ARRB1: variants seen among roughly 807,000 people sequenced by gnomAD.
The protein encoded by ARRB1 is arrestin beta 1.
Under a neutral mutation model 56.8 loss-of-function variants are expected in ARRB1, and 21 were observed. The observed-to-expected ratio is 0.37, with a 90% confidence interval of 0.26 to 0.53. ARRB1 has a LOEUF of 0.53. Ranked by LOEUF, ARRB1 falls within the 20% of genes least tolerant of loss-of-function variation. The pLI, the probability that ARRB1 is intolerant of heterozygous loss-of-function variation, is 0.88. For synonymous variants in ARRB1, 210 were observed against 218.6 expected, an observed-to-expected ratio of 0.96 and a Z score of 0.35; for missense variants, 424 against 553.7, an observed-to-expected ratio of 0.77 and a Z score of 2.35.
chr11:75,278,696 C>T lies in ARRB1; in HGVS notation c.531G>A (p.Arg177=), dbSNP rs992873734. ...TCTCGGCTGTGGGCTGGGGGCCAGG[C>T]CTCTCTGGGGCATACTGAACCTTCC... ...VIRKVQYAPE[R]PGPQPTAETT... Residue 177 remains arginine, a synonymous_variant, in exon 8 of 16, where the codon AGG becomes AGA. Coordinates refer to ENST00000420843, the MANE Select transcript of ARRB1 (RefSeq NM_004041.5). 5.0e-6 allele frequency: 8 copies of T among 1,613,952 alleles called. No homozygotes were observed. Among genetic ancestry groups the T allele is most frequent in the Non-Finnish European group, 6.8e-6 (8 of 1,179,962 alleles).
chr11:75,333,828 G>A (rs1947557767), intron 1 of ARRB1, among the ~76,000 whole-genome samples: 1 of 152,174 alleles, frequency 6.6e-6, no homozygotes. Flanking sequence ...AGCACAGAAG[G>A]CAAGACATTG....
In ARRB1 at chr11:75,263,457, G is replaced by A. The variant is rs1310260637; in HGVS notation, c.*2706C>T. Among the ~76,000 whole-genome samples the A allele has an allele frequency of 2.6e-5, 4 of 152,266 alleles. No homozygotes were observed. The highest frequency in any genetic ancestry group is 4.1e-4 in the South Asian group (2 of 4,836). On this transcript the variant is annotated 3_prime_UTR_variant, in exon 16 of 16. Coordinates refer to ENST00000420843, the MANE Select transcript of ARRB1 (RefSeq NM_004041.5). ...CAACCTGTGTGTCACTCCCAAAGCT[G>A]TGCGTTCTAGTGTAGGTCTGAATCC...
intron 14 of ARRB1, among the ~76,000 whole-genome samples, 170 bp from the exon 15 acceptor site, chr11:75,267,873 A>G (rs1401634765): frequency 1.3e-5 from 2 of 152,092 alleles, no homozygotes. Context: ...AACACCCCAA[A>G]TCATCTGAAA....
At chr11:75,299,932 C>T (rs959533663) in intron 1 of ARRB1, among the ~76,000 whole-genome samples, 4 of 152,086 alleles carry the variant, frequency 2.6e-5, no homozygotes, top group African/African-American at 7.2e-5. Context: ...GTAGGACAGG[C>T]GCAGTGGCTG....
intron 5 of ARRB1, among the ~76,000 whole-genome samples, chr11:75,282,462 CTGAG>C (rs1946367955): frequency 6.6e-6 from 1 of 152,152 alleles, no homozygotes; most frequent in Admixed American, 6.5e-5. Context: ...GCAGAAATGT[CTGAG>C]CCACAGTGAT....
chr11:75,267,614 G>GCCCCCCCCCCGC, intron 15 of ARRB1, 38 bp downstream of exon 15: 1 of 1,325,144 alleles, frequency 7.5e-7, no homozygotes, highest in Non-Finnish European at 1.1e-6. Flanking sequence ...CCCACCCGCG[G>GCCCCCCCCCCGC]CCCACCCCCG....
rs7118079 is a variant in ARRB1, at chr11:75,261,111, G to C, written c.*5052C>G. 6.6e-6 allele frequency: 1 copy of C among 152,206 alleles called. No homozygotes were observed. The highest frequency in any genetic ancestry group is 1.5e-5 in the Non-Finnish European group (1 of 68,160). The allele number at this position is 152,206 out of a possible 1,614,324, so 9.4% of individuals were successfully genotyped here. On this transcript the variant is annotated 3_prime_UTR_variant, in exon 16 of 16. Coordinates refer to ENST00000420843, the MANE Select transcript of ARRB1 (RefSeq NM_004041.5). ...CACGACCCATCCCCACTGAGCACCA[G>C]GTCCCTGTCCAAATCAAACCTTGGC...
intron 1 of ARRB1, among the ~76,000 whole-genome samples, chr11:75,313,108 T>C (rs1413242383): frequency 6.6e-6 from 1 of 152,088 alleles, no homozygotes; most frequent in Non-Finnish European, 1.5e-5. Flanking sequence ...ATCCCAGCAC[T>C]TTGGGAGGCC....
chr11:75,294,394 T>A (rs1041283342), intron 1 of ARRB1, among the ~76,000 whole-genome samples: 1 of 151,566 alleles, frequency 6.6e-6, no homozygotes, highest in African/African-American at 2.4e-5. Context: ...CAGTCTCTAC[T>A]AAAAATACAA....
intron 1 of ARRB1, among the ~76,000 whole-genome samples, chr11:75,337,517 C>T (rs1468185948): frequency 1.3e-5 from 2 of 152,210 alleles, no homozygotes; most frequent in African/African-American, 4.8e-5. Context: ...GACTCACTCC[C>T]TAACCCAAGT....
intron 1 of ARRB1, among the ~76,000 whole-genome samples, chr11:75,332,027 T>G (rs879399985): frequency 4.6e-5 from 7 of 151,964 alleles, no homozygotes; most frequent in Non-Finnish European, 8.8e-5. Context: ...AGCTCCCCAC[T>G]GAGCACCTTT....
At chr11:75,321,214 T>A (rs1162129960) in intron 1 of ARRB1, among the ~76,000 whole-genome samples, 1 of 151,844 alleles carries the variant, frequency 6.6e-6, no homozygotes, top group Admixed American at 6.6e-5. Flanking sequence ...CCTCAGCACG[T>A]GGAAGAAAAT....
intron 1 of ARRB1, among the ~76,000 whole-genome samples, chr11:75,323,662 C>A (rs1024125068): frequency 2.0e-5 from 3 of 152,056 alleles, no homozygotes; most frequent in African/African-American, 7.2e-5. Flanking sequence ...GAGAGGAAAC[C>A]TTCTCTCCCC....
chr11:75,287,466 A>C, intron 2 of ARRB1, 91 bp from the exon 3 acceptor site: 1 of 1,333,878 alleles, frequency 7.5e-7, no homozygotes, highest in Non-Finnish European at 1.0e-6. Context: ...GCAGCCTCTG[A>C]AACTCCAGAC....
chr11:75,301,323 G>A (rs1946899980), intron 1 of ARRB1, among the ~76,000 whole-genome samples: 1 of 152,206 alleles, frequency 6.6e-6, no homozygotes, highest in Non-Finnish European at 1.5e-5. Context: ...GTGCCTGGGA[G>A]GAGCCCCAGG....
chr11:75,334,849 C>T (rs1249092915), intron 1 of ARRB1, among the ~76,000 whole-genome samples: 1 of 152,052 alleles, frequency 6.6e-6, no homozygotes, highest in Non-Finnish European at 1.5e-5. Context: ...GATGTGGCAC[C>T]AACATCCTAG....
At chr11:75,266,399 G>T in intron 15 of ARRB1, 125 bp from the exon 16 acceptor site, 2 of 749,014 alleles carry the variant, frequency 2.7e-6, no homozygotes, top group Non-Finnish European at 4.6e-6. Flanking sequence ...CCCTCTCTGA[G>T]GTCTCTGGCC....
chr11:75,272,794 G>T, intron 12 of ARRB1, 101 bp downstream of exon 12: 3 of 1,170,190 alleles, frequency 2.6e-6, no homozygotes, highest in Non-Finnish European at 2.5e-6. Flanking sequence ...GGTGGATGCA[G>T]CTAAAAGGGC....
intron 10 of ARRB1, 166 bp from the exon 11 acceptor site, chr11:75,274,377 G>A: frequency 1.3e-6 from 1 of 781,220 alleles, no homozygotes; most frequent in Non-Finnish European, 2.0e-6. Context: ...CTCGGGCAAG[G>A]AGACCACTGC....
Sources: gnomAD v4.1 joint callset for allele counts (sites outside exome capture counted in the v4.1 genomes callset) on GRCh38, gnomAD v4.1.1 for gene constraint, MANE v1.5 for transcripts, NCBI Gene and HGNC (gene_info 2026-07-23, HGNC 2026-07-21) for gene names.